GALNTL6: variants seen among roughly 807,000 people sequenced by gnomAD.
GALNTL6 encodes the protein polypeptide N-acetylgalactosaminyltransferase like 6.
GALNTL6 carries 46 observed loss-of-function variants against 73.7 expected under a neutral mutation model. That is an observed-to-expected ratio of 0.62 (90% CI 0.49 to 0.80). The LOEUF (loss-of-function observed/expected upper bound fraction) is 0.80, where lower values mean the gene tolerates loss of function less well. GALNTL6 is among the 30% of genes least tolerant of loss of function. The pLI, the probability that GALNTL6 is intolerant of heterozygous loss-of-function variation, is 0.00. For synonymous variants in GALNTL6, 259 were observed against 263.7 expected, an observed-to-expected ratio of 0.98 and a Z score of 0.17; for missense variants, 604 against 755.0, an observed-to-expected ratio of 0.80 and a Z score of 2.34.
At chr4:172,292,027 C>T (rs1234652029) in intron 3 of GALNTL6, among the ~76,000 whole-genome samples, 1 of 152,078 alleles carries the variant, frequency 6.6e-6, no homozygotes, top group Admixed American at 6.6e-5. Flanking sequence ...TCAAGTTCAA[C>T]ACTCACTCAT....
chr4:172,329,843 A>C (rs910063550), intron 4 of GALNTL6, among the ~76,000 whole-genome samples: 5 of 152,130 alleles, frequency 3.3e-5, no homozygotes, highest in Non-Finnish European at 7.4e-5. Context: ...AAGGGTGGCT[A>C]GTGACCCCAG....
intron 5 of GALNTL6, among the ~76,000 whole-genome samples, chr4:172,414,931 T>A (rs1744571999): frequency 6.6e-6 from 1 of 152,176 alleles, no homozygotes; most frequent in South Asian, 2.1e-4. Context: ...TCAATAAAAG[T>A]CTCTTACAAT....
At chr4:172,375,980 C>T (rs548898507) in intron 5 of GALNTL6, among the ~76,000 whole-genome samples, 23 of 152,296 alleles carry the variant, frequency 1.5e-4, no homozygotes, top group Non-Finnish European at 2.2e-4. Flanking sequence ...TCCTCACTTA[C>T]ATGAATAGGA....
intron 2 of GALNTL6, among the ~76,000 whole-genome samples, chr4:172,068,019 C>T (rs1331053679): frequency 1.3e-5 from 1 of 78,002 alleles, no homozygotes; most frequent in East Asian, 2.6e-4. Flanking sequence ...CCAACTCTGA[C>T]ATCTCTGGAT....
At chr4:172,849,114 G>A (rs1473661093) in intron 7 of GALNTL6, among the ~76,000 whole-genome samples, 1 of 152,104 alleles carries the variant, frequency 6.6e-6, no homozygotes, top group Non-Finnish European at 1.5e-5. Context: ...CAAGATTTCA[G>A]TCCTTGTCCC....
At chr4:172,517,671 A>C (rs540578708) in intron 5 of GALNTL6, among the ~76,000 whole-genome samples, 1 of 152,258 alleles carries the variant, frequency 6.6e-6, no homozygotes, top group East Asian at 1.9e-4. Flanking sequence ...AATTGTGTGG[A>C]TAAGATCAGA....
intron 2 of GALNTL6, 132 bp downstream of exon 2, chr4:171,814,850 C>A: frequency 1.2e-6 from 1 of 825,232 alleles, no homozygotes; most frequent in Non-Finnish European, 1.9e-6. Context: ...TATTACAAGA[C>A]TCTAGAGACT....
chr4:171,888,580 G>A (rs1448131972), intron 2 of GALNTL6, among the ~76,000 whole-genome samples: 3 of 152,104 alleles, frequency 2.0e-5, no homozygotes, highest in South Asian at 4.2e-4. Flanking sequence ...TGATGGGACA[G>A]ATGTAAAGGA....
Position 172,406,782 on chromosome 4 carries a change from T to A in GALNTL6, c.553+58093T>A, listed in dbSNP as rs187706140. On this transcript the variant is annotated intron_variant, in intron 5 of 12. Transcript: ENST00000506823. ...TTGCTATAATAAATATCAATACTTT[T>A]CAAATTTTACATCAAACAATATTTC... Among the ~76,000 whole-genome samples the A allele has an allele frequency of 7.9e-5, 12 of 152,198 alleles. No homozygotes were observed. The East Asian group carries it at 2.3e-3, about 29-fold the overall frequency.
At chr4:172,214,586 C>A (rs1344603086) in intron 2 of GALNTL6, among the ~76,000 whole-genome samples, 3 of 148,886 alleles carry the variant, frequency 2.0e-5, no homozygotes, top group Non-Finnish European at 4.4e-5. Flanking sequence ...GTGATCTGGG[C>A]TCACTGCAAC....
chr4:171,988,767 A>G (rs929648670), intron 2 of GALNTL6, among the ~76,000 whole-genome samples: 3 of 152,074 alleles, frequency 2.0e-5, no homozygotes, highest in African/African-American at 7.2e-5. Context: ...GTGCAGTGGG[A>G]TGGGATATTG....
intron 5 of GALNTL6, among the ~76,000 whole-genome samples, chr4:172,367,780 T>C (rs187021445): frequency 3.3e-5 from 5 of 152,244 alleles, no homozygotes; most frequent in Admixed American, 2.6e-4. Context: ...TAAGTTATAC[T>C]ATATAAAACT....
intron 2 of GALNTL6, among the ~76,000 whole-genome samples, chr4:172,074,555 T>C (rs1731646786): frequency 6.6e-6 from 1 of 151,874 alleles, no homozygotes; most frequent in South Asian, 2.1e-4. Context: ...TACAAACTTT[T>C]TTTTTTAACA....
chr4:172,977,552 G>A (rs1023198468), intron 10 of GALNTL6, among the ~76,000 whole-genome samples: 1 of 152,166 alleles, frequency 6.6e-6, no homozygotes, highest in Non-Finnish European at 1.5e-5. Flanking sequence ...GCAGCATAGA[G>A]CAATTTATTG....
intron 8 of GALNTL6, among the ~76,000 whole-genome samples, chr4:172,919,920 C>T (rs1406474238): frequency 2.6e-5 from 4 of 152,150 alleles, no homozygotes; most frequent in African/African-American, 7.2e-5. Context: ...GCCCCCAAAT[C>T]GCTGTTTTTA....
At chr4:172,657,123 C>T (rs933395063) in intron 5 of GALNTL6, among the ~76,000 whole-genome samples, 12 of 152,168 alleles carry the variant, frequency 7.9e-5, no homozygotes, top group African/African-American at 2.9e-4. Context: ...AAAATACATG[C>T]TGATAGGCCA....
chr4:172,219,437 T>G (rs1736603387), intron 2 of GALNTL6, among the ~76,000 whole-genome samples: 1 of 151,658 alleles, frequency 6.6e-6, no homozygotes, highest in Non-Finnish European at 1.5e-5. Context: ...TGCCATTCAA[T>G]TCCTATATTT....
At chr4:172,702,261 ATT>A (rs1171490068) in intron 5 of GALNTL6, among the ~76,000 whole-genome samples, 1 of 151,994 alleles carries the variant, frequency 6.6e-6, no homozygotes, top group East Asian at 1.9e-4. Flanking sequence ...TTTCACTGGA[ATT>A]TTATTTTGTT....
chr4:172,427,400 C>T (rs1263027357), intron 5 of GALNTL6, among the ~76,000 whole-genome samples: 1 of 152,038 alleles, frequency 6.6e-6, no homozygotes, highest in Non-Finnish European at 1.5e-5. Flanking sequence ...ATGGGAAAGA[C>T]CTGCCCAGAT....
Sources: allele counts gnomAD v4.1 joint callset (sites outside exome capture counted in the v4.1 genomes callset), GRCh38; gene constraint gnomAD v4.1.1; transcripts MANE v1.5; gene names NCBI Gene and HGNC (gene_info 2026-07-23, HGNC 2026-07-21).